Variants in AGMO observed in about 807,000 individuals in gnomAD.
AGMO encodes glyceryl-ether monooxygenase.
In AGMO, 75 loss-of-function variants were observed where a neutral mutation model predicts 60.2. The observed-to-expected ratio is 1.25, with a 90% CI of 1.03 to 1.51. The LOEUF is 1.51. AGMO is among the 40% of genes most tolerant of loss of function. AGMO has a pLI of 0.00. For synonymous variants in AGMO, 261 were observed against 177.1 expected, an observed-to-expected ratio of 1.47 and a Z score of -3.76; for missense variants, 763 against 525.5, an observed-to-expected ratio of 1.45 and a Z score of -4.42.
At chr7:15,516,180 G>T (rs921001886) in intron 3 of AGMO, among the ~76,000 whole-genome samples, 1 of 151,800 alleles carries the variant, frequency 6.6e-6, no homozygotes, top group Non-Finnish European at 1.5e-5. Flanking sequence ...TTGGAAGTAG[G>T]CCAAACATCA....
intron 12 of AGMO, among the ~76,000 whole-genome samples, chr7:15,303,532 A>AC (rs924510413): frequency 1.4e-4 from 22 of 151,884 alleles, no homozygotes; most frequent in Non-Finnish European, 2.8e-4. Context: ...AGAAGAAATG[A>AC]CCCCCTAAAA....
intron 10 of AGMO, among the ~76,000 whole-genome samples, chr7:15,378,837 T>G (rs893931723): frequency 6.6e-6 from 1 of 151,336 alleles, no homozygotes; most frequent in Non-Finnish European, 1.5e-5. Flanking sequence ...ACATGACACA[T>G]AATCTAAAAT....
chr7:15,280,209 T>G (rs1444675379), intron 12 of AGMO, among the ~76,000 whole-genome samples: 1 of 152,156 alleles, frequency 6.6e-6, no homozygotes, highest in African/African-American at 2.4e-5. Context: ...GGGTCAGATT[T>G]TAGTTCTGAG....
chr7:15,324,094 T>A lies in AGMO; in HGVS notation c.1263+41420A>T, dbSNP rs932126772. Among the ~76,000 whole-genome samples, 10 of 152,290 alleles carry A rather than the reference T, an allele frequency of 6.6e-5. No homozygotes were observed. The East Asian group carries it at 1.7e-3, about 26-fold the overall frequency. On this transcript the variant is annotated intron_variant, in intron 12 of 12. Coordinates refer to ENST00000342526, the MANE Select transcript of AGMO (RefSeq NM_001004320.2). ...ATTAGAGATACAAGCGTAGTAAAAA[T>A]AAGACTACTTTAAGCCAATGTTTCC...
intron 12 of AGMO, among the ~76,000 whole-genome samples, chr7:15,236,760 A>C (rs895245153): frequency 1.3e-5 from 2 of 152,028 alleles, no homozygotes; most frequent in Non-Finnish European, 2.9e-5. Context: ...ACAAACAAAC[A>C]AACCACAAGA....
intron 3 of AGMO, among the ~76,000 whole-genome samples, chr7:15,522,761 A>G (rs891363489): frequency 2.0e-5 from 3 of 152,222 alleles, no homozygotes; most frequent in African/African-American, 7.2e-5. Context: ...AAACCTAGGC[A>G]ATACCATTCT....
intron 12 of AGMO, among the ~76,000 whole-genome samples, chr7:15,304,116 A>T (rs879455529): frequency 6.6e-6 from 1 of 152,120 alleles, no homozygotes; most frequent in Non-Finnish European, 1.5e-5. Context: ...GCATCCTCTT[A>T]ATTTTTTATT....
chr7:15,141,523 T>C, the AGMO span, among the ~76,000 whole-genome samples: 1 of 152,126 alleles, frequency 6.6e-6, no homozygotes. Flanking sequence ...GAGGCAGCGG[T>C]TGCAGTGAGC....
chr7:15,466,818 G>T (rs1050067136), intron 3 of AGMO, among the ~76,000 whole-genome samples: 1 of 152,068 alleles, frequency 6.6e-6, no homozygotes, highest in East Asian at 1.9e-4. Flanking sequence ...GGATACAGTT[G>T]GTTCAAGCAA....
At chr7:15,471,120 C>T (rs997835783) in intron 3 of AGMO, among the ~76,000 whole-genome samples, 2 of 151,858 alleles carry the variant, frequency 1.3e-5, no homozygotes, top group African/African-American at 4.8e-5. Context: ...ACAGCATGAA[C>T]ATAAATCAGA....
chr7:15,556,284 G>A (rs2115308252), intron 2 of AGMO, among the ~76,000 whole-genome samples: 1 of 144,442 alleles, frequency 6.9e-6, no homozygotes, highest in East Asian at 2.0e-4. Flanking sequence ...AAATTCCATG[G>A]CAGGCATGGC....
chr7:15,467,322 T>C (rs1782321588), intron 3 of AGMO, among the ~76,000 whole-genome samples: 1 of 152,180 alleles, frequency 6.6e-6, no homozygotes. Flanking sequence ...AAGGGGTTTC[T>C]AGTGTTGGAG....
intron 12 of AGMO, among the ~76,000 whole-genome samples, chr7:15,302,097 G>T (rs1780459726): frequency 6.6e-6 from 1 of 152,084 alleles, no homozygotes; most frequent in African/African-American, 2.4e-5. Flanking sequence ...GTTTTTGCTA[G>T]CATTTTGTTT....
intron 12 of AGMO, among the ~76,000 whole-genome samples, chr7:15,206,461 C>A (rs1408438325): frequency 6.6e-6 from 1 of 151,932 alleles, no homozygotes; most frequent in African/African-American, 2.4e-5. Context: ...TATTTCTATA[C>A]CCCATTCAAG....
intron 10 of AGMO, among the ~76,000 whole-genome samples, chr7:15,367,919 A>T (rs1032071708): frequency 6.6e-6 from 1 of 152,130 alleles, no homozygotes; most frequent in Admixed American, 6.6e-5. Flanking sequence ...GCATCTGTCC[A>T]AAGTTATACA....
intron 12 of AGMO, among the ~76,000 whole-genome samples, chr7:15,278,411 T>C (rs1182298541): frequency 2.0e-5 from 3 of 152,014 alleles, no homozygotes; most frequent in Middle Eastern, 3.2e-3. Context: ...GCCCATTCAA[T>C]GGCATGTATG....
At chr7:15,288,772 A>AT (rs1784172317) in intron 12 of AGMO, among the ~76,000 whole-genome samples, 1 of 151,614 alleles carries the variant, frequency 6.6e-6, no homozygotes, top group African/African-American at 2.4e-5. Context: ...CTGAAAAAAA[A>AT]AAAAGAAAGA....
chr7:15,322,955 T>TAA (rs142841921), intron 12 of AGMO, among the ~76,000 whole-genome samples: 51,518 of 144,192 alleles, frequency 0.36, 10,591 homozygotes, highest in East Asian at 0.5. Flanking sequence ...CATATATATA[T>TAA]AACACGTGTG....
intron 3 of AGMO, among the ~76,000 whole-genome samples, chr7:15,500,397 T>A (rs966462908): frequency 1.3e-5 from 2 of 151,852 alleles, no homozygotes; most frequent in Admixed American, 1.3e-4. Flanking sequence ...ACCAAATTTC[T>A]CATTGTAAGT....
Sources: gnomAD v4.1 joint callset for allele counts (sites outside exome capture counted in the v4.1 genomes callset) on GRCh38, gnomAD v4.1.1 for gene constraint, MANE v1.5 for transcripts, NCBI Gene and HGNC (gene_info 2026-07-23, HGNC 2026-07-21) for gene names.